SFI1: variants seen among roughly 807,000 people sequenced by gnomAD.
SFI1 encodes the protein protein SFI1 homolog.
SFI1 carries 195 observed loss-of-function variants against 207.5 expected under a neutral mutation model. The ratio of observed to expected loss-of-function variants is 0.94; its 90% confidence interval spans 0.84 to 1.06. The LOEUF is 1.06. Ranked by LOEUF, SFI1 falls within the 50% of genes least tolerant of loss-of-function variation. SFI1 has a pLI of 0.00. For missense variants in SFI1, 1,634 were observed against 1,588.0 expected (o/e 1.03, Z -0.49); for synonymous variants, 630 against 598.9 (o/e 1.05, Z -0.76).
chr22:31,550,246 C>T lies in SFI1; in HGVS notation c.450-8C>T, dbSNP rs779406040. On this transcript the variant is annotated splice_polypyrimidine_tract_variant and splice_region_variant and intron_variant, in intron 5 of 32. Transcript: ENST00000400288. ...AAGAAATGCCATTTACTTTTTTTGG[C>T]TCCTCAGGTATTACCTGTACAACCT... is the stretch of plus-strand genomic sequence containing the variant. 3.0e-5 allele frequency: 49 copies of T among 1,610,530 alleles called. No individual in the cohort carries two copies. The highest frequency in any genetic ancestry group is 3.3e-4 in the Middle Eastern group (2 of 6,064).
At chr22:31,506,357 G>C (rs903065753) in intron 1 of SFI1, among the ~76,000 whole-genome samples, 1 of 151,686 alleles carries the variant, frequency 6.6e-6, no homozygotes, top group East Asian at 1.9e-4. Context: ...CAGAAATTCT[G>C]TCTTTAAAAA....
At chr22:31,587,212 G>A (rs575618196) in intron 14 of SFI1, 1 of 193,564 alleles carries the variant, frequency 5.2e-6, no homozygotes, top group African/African-American at 2.3e-5. Flanking sequence ...TAACAACTAT[G>A]TACATAGCAT....
At chr22:31,614,972 C>A (rs1339133593) in intron 28 of SFI1, 76 bp from the exon 29 acceptor site, 1 of 1,575,208 alleles carries the variant, frequency 6.3e-7, no homozygotes, top group Admixed American at 1.8e-5. Flanking sequence ...GGTGGGTGGC[C>A]CCCTTTCCTT....
intron 21 of SFI1, 74 bp from the exon 22 acceptor site, chr22:31,607,863 C>T (rs1285579585): frequency 7.3e-7 from 1 of 1,379,118 alleles, no homozygotes. Context: ...CCAGGAGCCA[C>T]CGTCACAGAC....
chr22:31,536,950 A>G (rs757075401), intron 4 of SFI1, among the ~76,000 whole-genome samples: 23 of 149,654 alleles, frequency 1.5e-4, no homozygotes, highest in Admixed American at 1.3e-3. Context: ...GGGTCTCACT[A>G]TGTTTTCCAG....
At chr22:31,521,898 G>T (rs928119955) in intron 2 of SFI1, among the ~76,000 whole-genome samples, 1 of 151,572 alleles carries the variant, frequency 6.6e-6, no homozygotes, top group African/African-American at 2.4e-5. Context: ...CAAGTAGCTG[G>T]GTCTGCAGGC....
intron 6 of SFI1, among the ~76,000 whole-genome samples, chr22:31,551,591 A>G (rs924304492): frequency 1.3e-5 from 2 of 152,128 alleles, no homozygotes; most frequent in Non-Finnish European, 2.9e-5. Flanking sequence ...TACCACATAC[A>G]GCTAAATTTT....
intron 1 of SFI1, among the ~76,000 whole-genome samples, chr22:31,499,639 A>G (rs1340341849): frequency 6.6e-6 from 1 of 152,182 alleles, no homozygotes; most frequent in Non-Finnish European, 1.5e-5. Context: ...GTAAAATGCT[A>G]TTAAATAGCA....
At position 31,576,302 on chromosome 22, in the gene SFI1, G is replaced by A. The variant is rs191051183; in HGVS notation, c.1084+910G>A. Among the ~76,000 whole-genome samples the A allele has an allele frequency of 3.9e-3, 592 of 149,956 alleles. 5 individuals are homozygous for A. The highest frequency in any genetic ancestry group is 0.014 in the African/African-American group (583 of 40,728). On this transcript the variant is annotated intron_variant, in intron 10 of 32. Transcript: ENST00000400288. Reference sequence around the variant, plus strand: ...AGCCTCCCGAAGTGCTGGGATTACAGGCATGAGCCAGCGTACCCAGCCTCT... The same window carrying A: ...AGCCTCCCGAAGTGCTGGGATTACAAGCATGAGCCAGCGTACCCAGCCTCT...
Position 31,583,967 on chromosome 22 carries a change from C to G in SFI1, c.1341C>G (p.His447Gln), listed in dbSNP as rs1387679216. Residue 447 changes from histidine (H) to glutamine (Q), a missense_variant, in exon 13 of 33, where the codon CAC becomes CAG. Coordinates refer to ENST00000400288, the MANE Select transcript of SFI1 (RefSeq NM_001007467.3). ...CCTTACTGCATGCTGCCTGGGACCA[C>G]TACAGGTAGGGACTCTGGTTTCATC... ...LLPLLHAAWD[H>Q]YRIALLCKCI... 2 of 1,613,542 alleles carry G rather than the reference C, an allele frequency of 1.2e-6. No homozygotes were observed. The highest frequency in any genetic ancestry group is 1.7e-6 in the Non-Finnish European group (2 of 1,179,520).
chr22:31,608,053 C>T lies in SFI1; in HGVS notation c.2254+20C>T. ...ACAGGGGTAAGTGGGGCCCCAGAAG[C>T]AAGTCATGTTGAGGAATGTGAAGAC... On this transcript the variant is annotated intron_variant, in intron 22 of 32. Coordinates refer to ENST00000400288, the MANE Select transcript of SFI1 (RefSeq NM_001007467.3). 6.2e-7 allele frequency: 1 copy of T among 1,601,280 alleles called. No homozygotes were observed. Among genetic ancestry groups the T allele is most frequent in the East Asian group, 2.2e-5 (1 of 44,802 alleles).
chr22:31,595,187 G>A (rs1603283156), intron 15 of SFI1, among the ~76,000 whole-genome samples: 1 of 151,942 alleles, frequency 6.6e-6, no homozygotes. Context: ...TAGTAGGGAC[G>A]GGGTTTCACC....
intron 4 of SFI1, among the ~76,000 whole-genome samples, chr22:31,532,853 C>G (rs1364707927): frequency 6.6e-6 from 1 of 152,158 alleles, no homozygotes; most frequent in Non-Finnish European, 1.5e-5. Flanking sequence ...GAACAGGTCT[C>G]AAACCGGCCT....
In SFI1 at chr22:31,611,278, A is replaced by G; in HGVS notation, c.2390A>G (p.His797Arg). The change falls in exon 23 of 33, where the codon CAC becomes CGC. Residue 797 changes from histidine (H) to arginine (R), a missense_variant. Transcript: ENST00000400288. ...GAGGGGCTGGCCCGGTGGAAGACGC[A>G]CCATCTGCAGTGTGTCAGGAAGAGG... ...LLEGLARWKT[H>R]HLQCVRKRLL... 1.2e-6 allele frequency: 2 copies of G among 1,609,910 alleles called. No homozygotes were observed. Among genetic ancestry groups the G allele is most frequent in the Non-Finnish European group, 1.7e-6 (2 of 1,177,808 alleles).
intron 3 of SFI1, 152 bp downstream of exon 3, chr22:31,529,015 A>G: frequency 1.4e-6 from 1 of 696,448 alleles, no homozygotes; most frequent in South Asian, 2.4e-5. Flanking sequence ...TGAAAAGGAT[A>G]TTCAGGAACC....
intron 14 of SFI1, among the ~76,000 whole-genome samples, chr22:31,586,665 T>C (rs1241879612): frequency 6.6e-6 from 1 of 152,226 alleles, no homozygotes; most frequent in Non-Finnish European, 1.5e-5. Context: ...TTCACCAGAA[T>C]GCAGGAAAGC....
At chr22:31,614,189 C>G (rs1024534925) in intron 27 of SFI1, 2 of 381,544 alleles carry the variant, frequency 5.2e-6, no homozygotes, top group Non-Finnish European at 9.6e-6. Context: ...AGGGAACAAG[C>G]TCAGCTCCTA....
Position 31,580,305 on chromosome 22 carries a change from A to G in SFI1, c.1189A>G (p.Thr397Ala). 6.2e-7 allele frequency: 1 copy of G among 1,613,964 alleles called. No individual in the cohort carries two copies. Among genetic ancestry groups the G allele is most frequent in the South Asian group, 1.1e-5 (1 of 91,072 alleles). The change falls in exon 12 of 33, where the codon ACC becomes GCC. Residue 397 changes from threonine (T) to alanine (A), a missense_variant. By Grantham distance (58) the Thr-to-Ala change is moderately conservative (BLOSUM62 0). Coordinates refer to ENST00000400288, the MANE Select transcript of SFI1 (RefSeq NM_001007467.3). ...CTTTAGAGCCCTAAAAGACAATGTG[A>G]CCCACGCTCATCTCCAGCAAATAAG... is the stretch of plus-strand genomic sequence containing the variant. Reference protein sequence around the residue: ...FCFRALKDNVTHAHLQQIRRN... With the variant: ...FCFRALKDNVAHAHLQQIRRN...
intron 15 of SFI1, among the ~76,000 whole-genome samples, chr22:31,601,662 G>A (rs1297929701): frequency 6.6e-6 from 1 of 152,162 alleles, no homozygotes; most frequent in African/African-American, 2.4e-5. Flanking sequence ...TTTTCGTACG[G>A]TGTGAAGGCT....
Sources: allele counts gnomAD v4.1 joint callset (sites outside exome capture counted in the v4.1 genomes callset), GRCh38; gene constraint gnomAD v4.1.1; transcripts MANE v1.5; gene names NCBI Gene and HGNC (gene_info 2026-07-23, HGNC 2026-07-21).